Variants in NXN observed in about 807,000 individuals in gnomAD.
The protein encoded by NXN is nucleoredoxin.
Under a neutral mutation model 48.6 loss-of-function variants are expected in NXN, and 16 were observed. The observed-to-expected ratio is 0.33, with a 90% CI of 0.22 to 0.50. The LOEUF is 0.50. NXN is among the 20% of genes least tolerant of loss of function. The probability of loss-of-function intolerance (pLI) is 0.98; values close to 1 mark genes in which losing one functional copy is unlikely to be tolerated. For synonymous variants in NXN, 281 were observed against 269.6 expected, an observed-to-expected ratio of 1.04 and a Z score of -0.41; for missense variants, 492 against 605.5, an observed-to-expected ratio of 0.81 and a Z score of 1.97.
At chr17:827,084 C>T (rs1242529746) in intron 1 of NXN, among the ~76,000 whole-genome samples, 1 of 152,200 alleles carries the variant, frequency 6.6e-6, no homozygotes, top group Non-Finnish European at 1.5e-5. Flanking sequence ...GGGCCGGGCA[C>T]GGTGGCTCAC....
rs150868094 is a variant in NXN, at chr17:885,497, G to GAAA, written c.361-59422_361-59420dup. On this transcript the variant is annotated intron_variant, in intron 1 of 7. Transcript: ENST00000336868. ...AATCTCAAAAAAAAGAAAAGAAAAG[G>GAAA]AAAAAAAAAAGAGTTCAGGATTTCA... Among the ~76,000 whole-genome samples the GAAA allele has an allele frequency of 1.6e-4, 23 of 145,420 alleles. No homozygotes were observed. In the South Asian group the frequency reaches 3.3e-3, roughly 21 times the overall value.
chr17:885,539 T>A (rs1011632168), intron 1 of NXN, among the ~76,000 whole-genome samples: 1 of 151,692 alleles, frequency 6.6e-6, no homozygotes, highest in Non-Finnish European at 1.5e-5. Context: ...GTCTCCTATG[T>A]CTAGTCTTTC....
At chr17:952,072 C>T (rs921890897) in intron 1 of NXN, among the ~76,000 whole-genome samples, 5 of 151,848 alleles carry the variant, frequency 3.3e-5, no homozygotes, top group Non-Finnish European at 7.4e-5. Context: ...TTGTGGGGGG[C>T]GGTGGTGGTT....
chr17:832,596 A>G (rs959578261), intron 1 of NXN, among the ~76,000 whole-genome samples: 1 of 152,112 alleles, frequency 6.6e-6, no homozygotes, highest in Admixed American at 6.6e-5. Flanking sequence ...GCTAAAGAAG[A>G]ACCAGTTTCT....
At chr17:846,487 T>C (rs1487934626) in intron 1 of NXN, among the ~76,000 whole-genome samples, 1 of 152,116 alleles carries the variant, frequency 6.6e-6, no homozygotes, top group Non-Finnish European at 1.5e-5. Flanking sequence ...CAAAGGACTT[T>C]TAGCAAAGCA....
At chr17:940,235 CA>C (rs1224915583) in intron 1 of NXN, among the ~76,000 whole-genome samples, 61 of 143,532 alleles carry the variant, frequency 4.2e-4, no homozygotes, top group African/African-American at 1.6e-3. Context: ...TGCCTGGCCT[CA>C]ATTTTTTTTT....
At chr17:857,963 A>G (rs1350791045) in intron 1 of NXN, among the ~76,000 whole-genome samples, 1 of 150,920 alleles carries the variant, frequency 6.6e-6, no homozygotes, top group Non-Finnish European at 1.5e-5. Flanking sequence ...TTAACCAAAG[A>G]TATAAATCTT....
At chr17:875,574 T>G in intron 1 of NXN, among the ~76,000 whole-genome samples, 1 of 150,858 alleles carries the variant, frequency 6.6e-6, no homozygotes, top group South Asian at 2.1e-4. Flanking sequence ...TGAAATAGGG[T>G]TTTTTTGTTG....
intron 1 of NXN, among the ~76,000 whole-genome samples, chr17:891,373 C>G (rs2068415244): frequency 6.6e-6 from 1 of 152,206 alleles, no homozygotes; most frequent in East Asian, 1.9e-4. Context: ...CGGCCTAAAT[C>G]TCTCATGTTT....
At chr17:925,514 G>A (rs889088329) in intron 1 of NXN, among the ~76,000 whole-genome samples, 1 of 152,126 alleles carries the variant, frequency 6.6e-6, no homozygotes, top group South Asian at 2.1e-4. Context: ...TCAGCCTCCC[G>A]AGTAGCTGGG....
At chr17:900,117 T>C (rs2068523478) in intron 1 of NXN, among the ~76,000 whole-genome samples, 1 of 151,556 alleles carries the variant, frequency 6.6e-6, no homozygotes, top group Admixed American at 6.6e-5. Flanking sequence ...AATACAAAAT[T>C]AGCGGGGTGT....
At position 825,633 on chromosome 17, in the gene NXN, C is replaced by T. The variant is rs139162788; in HGVS notation, c.478+328G>A. 36 of 232,828 alleles carry T rather than the reference C, an allele frequency of 1.5e-4. No individual in the cohort carries two copies. Among genetic ancestry groups the T allele is most frequent in the African/African-American group, 6.9e-4 (30 of 43,622 alleles). The allele number at this position is 232,828 out of a possible 1,614,324, so 14.4% of individuals were successfully genotyped here. A position where few individuals can be genotyped will look rare whatever the true frequency, so the allele number is the denominator to read the frequency against. ...CTAACTGTGAAGGGGGCAGCCGCCA[C>T]GGATGCAGCACTAGAGGCCGGGGTC... is the stretch of plus-strand genomic sequence containing the variant. On this transcript the variant is annotated intron_variant, in intron 2 of 7. Transcript: ENST00000336868. The surrounding 1 kb of genome is among the most constrained non-coding windows in gnomAD (Gnocchi z 4.1).
intron 6 of NXN, among the ~76,000 whole-genome samples, chr17:804,298 T>G (rs1337517122): frequency 1.5e-5 from 2 of 136,762 alleles, no homozygotes; most frequent in East Asian, 4.1e-4. Context: ...TTTTTTTTTT[T>G]TTGAGACAGA....
intron 1 of NXN, among the ~76,000 whole-genome samples, chr17:895,771 T>TCA (rs1303643116): frequency 6.6e-3 from 171 of 25,896 alleles, no homozygotes; most frequent in African/African-American, 0.035. Context: ...TGAGCCGAGA[T>TCA]CGCACCACTG....
intron 1 of NXN, among the ~76,000 whole-genome samples, chr17:889,753 A>G (rs915733671): frequency 7.1e-4 from 28 of 39,484 alleles, no homozygotes; most frequent in African/African-American, 1.8e-3. Flanking sequence ...GAAAGAAAGA[A>G]AGAAAGAAAA....
intron 1 of NXN, among the ~76,000 whole-genome samples, chr17:977,612 A>G (rs1476517134): frequency 3.3e-5 from 5 of 152,392 alleles, no homozygotes; most frequent in Middle Eastern, 6.8e-3. Context: ...TAAGCCTGTA[A>G]CATTTTACCA....
intron 1 of NXN, among the ~76,000 whole-genome samples, chr17:891,404 T>C (rs2068415517): frequency 6.6e-6 from 1 of 152,228 alleles, no homozygotes; most frequent in African/African-American, 2.4e-5. Flanking sequence ...ATCTGATGGC[T>C]TTCCATCCCA....
chr17:979,636 T>C lies in NXN; in HGVS notation c.43A>G (p.Thr15Ala), dbSNP rs2069514722. ...ACGTCCACCTCCTCGCCGCCGCCCG[T>C]CACCAGCTTCTCGCCGAGCAGCTCC... is the stretch of plus-strand genomic sequence containing the variant. ...LEELLGEKLV[T>A]GGGEEVDVHS... The change falls in exon 1 of 8, where the codon ACG becomes GCG. Residue 15 changes from threonine to alanine, a missense_variant. By Grantham distance (58) the Thr-to-Ala change is moderately conservative. This residue lies in a region of NXN where 186 missense variants were observed against 199.1 expected (regional missense o/e 0.93). Transcript: ENST00000336868. 1 of 1,469,700 alleles carries C rather than the reference T, an allele frequency of 6.8e-7. No individual in the cohort carries two copies. The highest frequency in any genetic ancestry group is 9.0e-7 in the Non-Finnish European group (1 of 1,110,370). 91.0% of individuals were successfully genotyped at this position (1,469,700 alleles called of 1,614,324 possible).
chr17:942,202 C>T (rs1346907799), intron 1 of NXN, among the ~76,000 whole-genome samples: 43 of 130,474 alleles, frequency 3.3e-4, no homozygotes, highest in Admixed American at 1.1e-3. Flanking sequence ...CCACACACCT[C>T]CCTGGATTTA....
Sources: gnomAD v4.1 joint callset for allele counts (sites outside exome capture counted in the v4.1 genomes callset) on GRCh38, gnomAD v4.1.1 for gene constraint, gnomAD v4.1.1 regional missense constraint, Gnocchi (gnomAD v3.1) non-coding constraint, MANE v1.5 for transcripts, NCBI Gene and HGNC (gene_info 2026-07-23, HGNC 2026-07-21) for gene names.